Variants in DAAM1 observed in about 807,000 individuals in gnomAD.
DAAM1 encodes disheveled-associated activator of morphogenesis 1.
A neutral mutation model predicts 130.0 loss-of-function variants in DAAM1; 52 were observed. The ratio of observed to expected loss-of-function variants is 0.40; its 90% CI spans 0.32 to 0.50. The LOEUF is 0.50. Ranked by LOEUF, DAAM1 falls within the 20% of genes least tolerant of loss-of-function variation. DAAM1 has a pLI of 0.61. For missense variants in DAAM1, 1,134 were observed against 1,303.8 expected (o/e 0.87, Z 2.01); for synonymous variants, 452 against 444.5 (o/e 1.02, Z -0.21).
intron 1 of DAAM1, among the ~76,000 whole-genome samples, chr14:59,220,888 A>G (rs965703348): frequency 7.9e-5 from 12 of 152,348 alleles, no homozygotes; most frequent in African/African-American, 2.6e-4. Flanking sequence ...GCCCACGCAC[A>G]TTGGTGAGAG....
chr14:59,366,338 T>C (rs946594463), intron 23 of DAAM1, among the ~76,000 whole-genome samples: 1 of 152,226 alleles, frequency 6.6e-6, no homozygotes, highest in Non-Finnish European at 1.5e-5. Flanking sequence ...GATTCCATAC[T>C]CAGTTGCTGT....
intron 23 of DAAM1, 134 bp from the exon 24 acceptor site, chr14:59,367,295 G>A (rs889305728): frequency 2.1e-6 from 3 of 1,400,616 alleles, no homozygotes; most frequent in Non-Finnish European, 2.8e-6. Flanking sequence ...CCAAAAGAAA[G>A]AAAGAAATAA....
rs757431484 is a variant in DAAM1, at chr14:59,315,270, C to T, written c.274-10C>T. The T allele has an allele frequency of 6.2e-7, 1 of 1,613,698 alleles. No homozygotes were observed. Among genetic ancestry groups the T allele is most frequent in the Non-Finnish European group, 8.5e-7 (1 of 1,179,814 alleles). ...TGGGTGGTATGTCACTTTTTTTCCC[C>T]CCTTTTTAGGACCAGGAAGAAAACA... On this transcript the variant is annotated splice_polypyrimidine_tract_variant and intron_variant, in intron 3 of 24. Coordinates refer to ENST00000360909, the MANE Select transcript of DAAM1 (RefSeq NM_001270520.2).
chr14:59,358,565 A>G (rs563946325), intron 20 of DAAM1, among the ~76,000 whole-genome samples: 1 of 152,228 alleles, frequency 6.6e-6, no homozygotes, highest in African/African-American at 2.4e-5. Flanking sequence ...TCAGTAGGCC[A>G]GACACGGTGG....
chr14:59,367,234 G>C (rs748511935), intron 23 of DAAM1, among the ~76,000 whole-genome samples, 195 bp from the exon 24 acceptor site: 1 of 151,906 alleles, frequency 6.6e-6, no homozygotes, highest in Admixed American at 6.6e-5. Flanking sequence ...GTTGCAGTGA[G>C]CTGGGATCAT....
chr14:59,317,097 T>G (rs1884823138), intron 4 of DAAM1, among the ~76,000 whole-genome samples: 2 of 152,176 alleles, frequency 1.3e-5, no homozygotes, highest in African/African-American at 4.8e-5. Context: ...GTGATCTACA[T>G]TTTAACTGCT....
chr14:59,367,735 T>C, intron 24 of DAAM1, 136 bp downstream of exon 24: 10 of 1,200,644 alleles, frequency 8.3e-6, no homozygotes, highest in Non-Finnish European at 1.1e-5. Flanking sequence ...TGTGGGACTT[T>C]ACATTGGTGT....
At chr14:59,240,437 C>T (rs553792245) in intron 1 of DAAM1, among the ~76,000 whole-genome samples, 49 of 152,090 alleles carry the variant, frequency 3.2e-4, no homozygotes, top group African/African-American at 1.2e-3. Context: ...GACAGAAATC[C>T]CATTGGAATT....
chr14:59,273,695 G>A (rs1123642), intron 2 of DAAM1, among the ~76,000 whole-genome samples: 48,338 of 152,088 alleles, frequency 0.32, 8,914 homozygotes, highest in East Asian at 0.56. Flanking sequence ...AGCCAATACA[G>A]GTGTCAAAAG....
intron 16 of DAAM1, among the ~76,000 whole-genome samples, chr14:59,344,286 T>C (rs561458764): frequency 6.6e-6 from 1 of 152,346 alleles, no homozygotes; most frequent in Non-Finnish European, 1.5e-5. Flanking sequence ...CTTATTTTAA[T>C]TACGCCTGGA....
rs144149361 is a variant in DAAM1, at chr14:59,280,813, G to C, written c.184-10404G>C. ...GCCTCTTAGACATGGTGGGCCCTTG[G>C]AAAAGGGGAACAGCATGTGCAAACT... On this transcript the variant is annotated intron_variant, in intron 2 of 24. Transcript: ENST00000360909. Among the ~76,000 whole-genome samples, 4 of 152,160 alleles carry C rather than the reference G, an allele frequency of 2.6e-5. No individual in the cohort carries two copies. The East Asian group carries it at 7.7e-4, about 29-fold the overall frequency.
At chr14:59,360,984 A>C (rs2139683477) in intron 22 of DAAM1, 122 bp downstream of exon 22, 4 of 778,996 alleles carry the variant, frequency 5.1e-6, no homozygotes, top group Middle Eastern at 4.9e-4. Flanking sequence ...TATTGATTAA[A>C]AAATAAGAAC....
At chr14:59,316,817 G>A (rs565288588) in intron 4 of DAAM1, among the ~76,000 whole-genome samples, 1 of 152,306 alleles carries the variant, frequency 6.6e-6, no homozygotes, top group South Asian at 2.1e-4. Flanking sequence ...AAATTTGCAT[G>A]TTTGTTATCT....
At position 59,325,672 on chromosome 14, in the gene DAAM1, A is replaced by T; in HGVS notation, c.998A>T (p.Asp333Val). Residue 333 changes from aspartate (D) to valine (V), a missense_variant, in exon 9 of 25, where the codon GAC becomes GTC. This residue lies in a region of DAAM1 where 391 missense variants were observed against 521.6 expected (regional missense o/e 0.75). Transcript: ENST00000360909. ...HENSTLDRHL[D>V]FFEMLRNEDE... is the part of the protein sequence containing the mutation. ...CTTTCATTATTTTTCAGGCATTTAGACTTTTTTGAAATGCTCCGAAATGAA... is the reference window on the plus strand; with the variant it reads ...CTTTCATTATTTTTCAGGCATTTAGTCTTTTTTGAAATGCTCCGAAATGAA... 6.2e-7 allele frequency: 1 copy of T among 1,613,846 alleles called. No individual in the cohort carries two copies. Among genetic ancestry groups the T allele is most frequent in the Non-Finnish European group, 8.5e-7 (1 of 1,179,936 alleles).
At chr14:59,295,470 T>C (rs560500522) in intron 3 of DAAM1, among the ~76,000 whole-genome samples, 11 of 152,344 alleles carry the variant, frequency 7.2e-5, no homozygotes, top group African/African-American at 2.6e-4. Flanking sequence ...TATACCCTGA[T>C]TGGATCAATT....
chr14:59,237,118 T>TA (rs915544369), intron 1 of DAAM1, among the ~76,000 whole-genome samples: 4 of 152,230 alleles, frequency 2.6e-5, no homozygotes, highest in African/African-American at 9.6e-5. Flanking sequence ...AGTTTTAACC[T>TA]ACACGTGCTG....
Position 59,324,382 on chromosome 14 carries a change from A to G in DAAM1, c.917A>G (p.Tyr306Cys). 1 of 1,594,950 alleles carries G rather than the reference A, an allele frequency of 6.3e-7. No individual in the cohort carries two copies. The highest frequency in any genetic ancestry group is 1.2e-5 in the South Asian group (1 of 86,244). The change falls in exon 8 of 25, where the codon TAT becomes TGT. Residue 306 changes from tyrosine to cysteine, a missense_variant. This residue lies in a region of DAAM1 where 391 missense variants were observed against 521.6 expected (regional missense o/e 0.75). Coordinates refer to ENST00000360909, the MANE Select transcript of DAAM1 (RefSeq NM_001270520.2). ...TTGGACTTTAGACTTCATCTTCGCT[A>G]TGAATTTCTGATGTTAGGAATTCAA... ...ESLDFRLHLR[Y>C]EFLMLGIQPV...
At position 59,313,999 on chromosome 14, in the gene DAAM1, T is replaced by C. The variant is rs1884691236; in HGVS notation, c.274-1281T>C. The stretch of plus-strand genomic sequence containing the variant: ...TTAAGGCACTGTAAGCAATAGTTAC[T>C]TTGCCCCCTTGTTGTGACTACTTAA... On this transcript the variant is annotated intron_variant, in intron 3 of 24. Transcript: ENST00000360909. Among the ~76,000 whole-genome samples the C allele has an allele frequency of 2.0e-5, 3 of 152,254 alleles. No individual in the cohort carries two copies. The South Asian group carries it at 6.2e-4, about 32-fold the overall frequency.
intron 2 of DAAM1, among the ~76,000 whole-genome samples, chr14:59,272,805 G>A (rs1027388290): frequency 6.6e-6 from 1 of 152,082 alleles, no homozygotes; most frequent in Admixed American, 6.6e-5. Flanking sequence ...TGTAGATATG[G>A]GCTTAAATGT....
Sources: gnomAD v4.1 joint callset for allele counts (sites outside exome capture counted in the v4.1 genomes callset) on GRCh38, gnomAD v4.1.1 for gene constraint, gnomAD v4.1.1 regional missense constraint, MANE v1.5 for transcripts, NCBI Gene and HGNC (gene_info 2026-07-23, HGNC 2026-07-21) for gene names.